The following ZBTB5 variants were observed in gnomAD, a reference collection of about 807,000 sequenced individuals.
ZBTB5 encodes the protein zinc finger and BTB domain-containing protein 5.
In ZBTB5, 15 loss-of-function variants were observed where a neutral mutation model predicts 37.9. The ratio of observed to expected loss-of-function variants is 0.40; its 90% confidence interval spans 0.26 to 0.61. ZBTB5 has a LOEUF of 0.61. Ranked by LOEUF, ZBTB5 falls within the 20% of genes least tolerant of loss-of-function variation. ZBTB5 has a pLI of 0.47. For missense variants in ZBTB5, 708 were observed against 856.8 expected, an observed-to-expected ratio of 0.83 and a Z score of 2.17; for synonymous variants, 315 against 312.4, an observed-to-expected ratio of 1.01 and a Z score of -0.09.
intron 1 of ZBTB5, among the ~76,000 whole-genome samples, chr9:37,454,194 T>A (rs536136707): frequency 3.7e-4 from 57 of 152,310 alleles, no homozygotes; most frequent in African/African-American, 1.3e-3. Flanking sequence ...ATTTGGGGGA[T>A]ATAAAATTTG....
At position 37,438,323 on chromosome 9, in the gene ZBTB5, T is replaced by C. The variant is rs1823763719; in HGVS notation, c.*2195A>G. 1.3e-5 allele frequency: 2 copies of C among 152,610 alleles called. No homozygotes were observed. Among genetic ancestry groups the C allele is most frequent in the Non-Finnish European group, 2.9e-5 (2 of 68,032 alleles). The allele number at this position is 152,610 out of a possible 1,614,324, so 9.5% of individuals were successfully genotyped here. A position where few individuals can be genotyped will look rare whatever the true frequency, so the allele number is the denominator to read the frequency against. Reference sequence around the variant, plus strand: ...TAATCCAGGTAGAAACTACAGATCATAGGAACCCTGGGACTGGTTTTCCAG... The same window carrying C: ...TAATCCAGGTAGAAACTACAGATCACAGGAACCCTGGGACTGGTTTTCCAG... On this transcript the variant is annotated 3_prime_UTR_variant, in exon 2 of 2. Coordinates refer to ENST00000307750, the MANE Select transcript of ZBTB5 (RefSeq NM_014872.3).
At chr9:37,453,682 A>T (rs1246317844) in intron 1 of ZBTB5, among the ~76,000 whole-genome samples, 4 of 152,172 alleles carry the variant, frequency 2.6e-5, no homozygotes, top group Non-Finnish European at 5.9e-5. Flanking sequence ...TGAGTTTACC[A>T]GGAGACGGAG....
At chr9:37,445,095 G>GA (rs768158327) in intron 1 of ZBTB5, among the ~76,000 whole-genome samples, 1,434 of 139,130 alleles carry the variant, frequency 0.01, 17 homozygotes, top group African/African-American at 0.034. Flanking sequence ...TTAACTCCAG[G>GA]AAAAAAAAAA....
At chr9:37,462,692 T>C (rs549161162) in intron 1 of ZBTB5, among the ~76,000 whole-genome samples, 9 of 151,756 alleles carry the variant, frequency 5.9e-5, no homozygotes, top group South Asian at 2.1e-4. Context: ...GCCTCCTGAG[T>C]AGCTGGGATT....
In ZBTB5 at chr9:37,441,827, T is replaced by C; in HGVS notation, c.725A>G (p.Asp242Gly). The stretch of plus-strand genomic sequence containing the variant: ...AGTCATTCCATCAGCTTTAGGATTA[T>C]CCACAATTTTCAGAGAATCTGGTGA... ...FFSPDSLKIVDNPKADGMTDN... is the reference protein window; with the variant it reads ...FFSPDSLKIVGNPKADGMTDN... The change falls in exon 2 of 2, where the codon GAT becomes GGT. Residue 242 changes from aspartate to glycine, a missense_variant. By Grantham distance (94) the Asp-to-Gly change is moderately conservative. Coordinates refer to ENST00000307750, the MANE Select transcript of ZBTB5 (RefSeq NM_014872.3). 2 of 1,614,144 alleles carry C rather than the reference T, an allele frequency of 1.2e-6. No homozygotes were observed. Among genetic ancestry groups the C allele is most frequent in the Admixed American group, 3.3e-5 (2 of 60,030 alleles).
At chr9:37,442,677 C>T (rs1407756599) in intron 1 of ZBTB5, 122 bp from the exon 2 acceptor site, 11 of 734,396 alleles carry the variant, frequency 1.5e-5, no homozygotes, top group Non-Finnish European at 1.8e-5. Context: ...CCCGTGATAT[C>T]TCTGATAATG....
chr9:37,458,214 A>G (rs920360030), intron 1 of ZBTB5, among the ~76,000 whole-genome samples: 1 of 152,256 alleles, frequency 6.6e-6, no homozygotes, highest in South Asian at 2.1e-4. Context: ...TCTGTGCTGA[A>G]CACAGCTACT....
At chr9:37,447,218 G>A (rs566392896) in intron 1 of ZBTB5, among the ~76,000 whole-genome samples, 60 of 152,372 alleles carry the variant, frequency 3.9e-4, no homozygotes, top group African/African-American at 1.1e-3. Context: ...GCAGAAGAGT[G>A]TGAGTGTGTG....
chr9:37,455,771 A>G (rs1247646379), intron 1 of ZBTB5, among the ~76,000 whole-genome samples: 2 of 152,286 alleles, frequency 1.3e-5, no homozygotes. Context: ...CTCCACTTGT[A>G]GAGACGATAT....
At position 37,440,943 on chromosome 9, in the gene ZBTB5, G is replaced by A. The variant is rs1447269431; in HGVS notation, c.1609C>T (p.Arg537Cys). 3 of 1,614,176 alleles carry A rather than the reference G, an allele frequency of 1.9e-6. No homozygotes were observed. Among genetic ancestry groups the A allele is most frequent in the Non-Finnish European group, 2.5e-6 (3 of 1,180,036 alleles). Reference sequence around the variant, plus strand: ...ACAACTGGCATTTTGGGAGCTATGCGGCGGTAGTAAGGAAAGTTACTGGCT... The same window carrying A: ...ACAACTGGCATTTTGGGAGCTATGCAGCGGTAGTAAGGAAAGTTACTGGCT... ...GGASNFPYYR[R>C]IAPKMPVVTS... The change falls in exon 2 of 2, where the codon CGC becomes TGC. Residue 537 changes from arginine to cysteine, a missense_variant. By Grantham distance (180) the Arg-to-Cys change is radical. Around this residue, in one of 3 missense-constraint regions of ZBTB5, gnomAD observed 639 missense variants for 690.5 expected, o/e 0.93. Coordinates refer to ENST00000307750, the MANE Select transcript of ZBTB5 (RefSeq NM_014872.3).
chr9:37,465,132 A>G (rs1176712462), intron 1 of ZBTB5, 83 bp downstream of exon 1: 2 of 152,304 alleles, frequency 1.3e-5, no homozygotes, highest in East Asian at 3.9e-4. Flanking sequence ...GCGCTCCCCG[A>G]CGCCTTGGCG....
chr9:37,440,533 G>A lies in ZBTB5; in HGVS notation c.2019C>T (p.Pro673=), dbSNP rs1420765237. 6.2e-7 allele frequency: 1 copy of A among 1,614,120 alleles called. No individual in the cohort carries two copies. The highest frequency in any genetic ancestry group is 8.5e-7 in the Non-Finnish European group (1 of 1,179,978). The change falls in exon 2 of 2, where the codon CCC becomes CCT. Residue 673 remains proline (P), a synonymous_variant. Coordinates refer to ENST00000307750, the MANE Select transcript of ZBTB5 (RefSeq NM_014872.3). ...TCLRWQSSNL[P]STLL ...GGACAAACAGCTAGAGCAAAGTGCT[G>A]GGAAGATTGCTGCTCTGCCAGCGCA...
Position 37,449,981 on chromosome 9 carries a change from C to T in ZBTB5, c.-4-7426G>A, listed in dbSNP as rs1387394610. On this transcript the variant is annotated intron_variant, in intron 1 of 1. Coordinates refer to ENST00000307750, the MANE Select transcript of ZBTB5 (RefSeq NM_014872.3). Reference sequence around the variant, plus strand: ...AATGGGGCAGGCCAAGGGGAAAGCCCATTTGCATAATAAGATTAGGGTGGA... The same window carrying T: ...AATGGGGCAGGCCAAGGGGAAAGCCTATTTGCATAATAAGATTAGGGTGGA... Among the ~76,000 whole-genome samples the T allele has an allele frequency of 2.6e-5, 4 of 152,192 alleles. No homozygotes were observed. The East Asian group carries it at 7.7e-4, about 29-fold the overall frequency.
rs1330037973 is a variant in ZBTB5 at position 37,439,486 on chromosome 9, T to C, written c.*1032A>G. 3.3e-5 allele frequency: 5 copies of C among 152,240 alleles called. No individual in the cohort carries two copies. The highest frequency in any genetic ancestry group is 3.3e-4 in the Admixed American group (5 of 15,282). The allele number at this position is 152,240 out of a possible 1,614,324, so 9.4% of individuals were successfully genotyped here. A position where few individuals can be genotyped will look rare whatever the true frequency, so the allele number is the denominator to read the frequency against. ...TAGTATATAACAGTAATAAAACCTG[T>C]GTGGGGCATTTTTGGTTAATCTGTC... On this transcript the variant is annotated 3_prime_UTR_variant, in exon 2 of 2. Transcript: ENST00000307750.
intron 1 of ZBTB5, among the ~76,000 whole-genome samples, chr9:37,444,902 G>A (rs967931375): frequency 4.6e-5 from 7 of 152,172 alleles, no homozygotes; most frequent in African/African-American, 1.7e-4. Context: ...AGCAGGCCTG[G>A]AGAGCAAAAG....
At chr9:37,456,891 A>T (rs1283101797) in intron 1 of ZBTB5, among the ~76,000 whole-genome samples, 3 of 152,266 alleles carry the variant, frequency 2.0e-5, no homozygotes, top group African/African-American at 7.2e-5. Context: ...GCCAAAAACC[A>T]GAAGAAAAAG....
intron 1 of ZBTB5, among the ~76,000 whole-genome samples, chr9:37,453,997 AC>A (rs1014748804): frequency 3.3e-5 from 5 of 152,066 alleles, no homozygotes; most frequent in African/African-American, 1.2e-4. Context: ...AGTTGGCACC[AC>A]CCTAGGACTT....
intron 1 of ZBTB5, among the ~76,000 whole-genome samples, chr9:37,452,487 G>A (rs1466795102): frequency 6.6e-6 from 1 of 152,176 alleles, no homozygotes; most frequent in Non-Finnish European, 1.5e-5. Flanking sequence ...TGATTCCAAA[G>A]ACTATGAATA....
At chr9:37,458,805 A>G (rs1824236858) in intron 1 of ZBTB5, among the ~76,000 whole-genome samples, 1 of 152,260 alleles carries the variant, frequency 6.6e-6, no homozygotes. Context: ...CAATAATGCT[A>G]TAAAACAAGG....
Sources: allele counts gnomAD v4.1 joint callset (sites outside exome capture counted in the v4.1 genomes callset), GRCh38; gene constraint gnomAD v4.1.1; regional missense constraint gnomAD v4.1.1; transcripts MANE v1.5; gene names NCBI Gene and HGNC (gene_info 2026-07-23, HGNC 2026-07-21).